NCBP3: variants seen among roughly 807,000 people sequenced by gnomAD.
NCBP3 encodes nuclear cap binding subunit 3.
In NCBP3, 20 loss-of-function variants were observed where a neutral mutation model predicts 75.7. The observed-to-expected ratio is 0.26, with a 90% CI of 0.19 to 0.38. The LOEUF (loss-of-function observed/expected upper bound fraction) is 0.38, where lower values mean the gene tolerates loss of function less well. Among genes scored for constraint, NCBP3 ranks in the 10% least tolerant of loss-of-function variants. NCBP3 has a pLI of 1.00. For synonymous variants in NCBP3, 293 were observed against 290.5 expected (o/e 1.01, Z -0.09); for missense variants, 678 against 796.9 (o/e 0.85, Z 1.80).
chr17:3,816,717 A>T (rs2053540195), intron 10 of NCBP3, among the ~76,000 whole-genome samples: 1 of 152,232 alleles, frequency 6.6e-6, no homozygotes. Flanking sequence ...TTCCGGCAGC[A>T]TTCTCTACCA....
rs908039325 is a variant in NCBP3, at chr17:3,809,698, CTG to C, written c.*3344_*3345del. On this transcript the variant is annotated 3_prime_UTR_variant, in exon 13 of 13. Coordinates refer to ENST00000389005, the MANE Select transcript of NCBP3 (RefSeq NM_001114118.3). Reference sequence around the variant, plus strand: ...TCCAGCCTGCACAACAAGAGCGAAACTGTGTCTCAAAAATAAATAATAGAAAT... The same window carrying C: ...TCCAGCCTGCACAACAAGAGCGAAACTGTCTCAAAAATAAATAATAGAAAT... 32 of 152,192 alleles carry C rather than the reference CTG, an allele frequency of 2.1e-4. No homozygotes were observed. The highest frequency in any genetic ancestry group is 7.2e-4 in the African/African-American group (30 of 41,522). 9.4% of individuals were successfully genotyped at this position (152,192 alleles called of 1,614,324 possible).
chr17:3,821,835 A>C, intron 8 of NCBP3, 118 bp downstream of exon 8: 1 of 685,618 alleles, frequency 1.5e-6, no homozygotes, highest in South Asian at 1.9e-5. Context: ...AGAATCTTGA[A>C]TTCTTCCCTC....
chr17:3,831,163 G>A (rs1306656698), intron 3 of NCBP3, among the ~76,000 whole-genome samples: 1 of 149,492 alleles, frequency 6.7e-6, no homozygotes, highest in Non-Finnish European at 1.5e-5. Context: ...CGCCTGCCTC[G>A]GCCTCCCAAA....
Position 3,806,114 on chromosome 17 carries a change from T to G in NCBP3, c.*6930A>C, listed in dbSNP as rs1478218274. On this transcript the variant is annotated 3_prime_UTR_variant, in exon 13 of 13. Coordinates refer to ENST00000389005, the MANE Select transcript of NCBP3 (RefSeq NM_001114118.3). ...TTTTTTTTGAGACGGAGTCTCGCTC[T>G]GTCGCCCAGGCTGGAGCGCAGTGGC... 7.0e-6 allele frequency: 1 copy of G among 143,258 alleles called. No individual in the cohort carries two copies. The highest frequency in any genetic ancestry group is 1.5e-5 in the Non-Finnish European group (1 of 67,312). 8.9% of individuals were successfully genotyped at this position (143,258 alleles called of 1,614,324 possible).
chr17:3,814,625 C>T (rs2053494659), intron 11 of NCBP3, 142 bp from the exon 12 acceptor site: 2 of 843,062 alleles, frequency 2.4e-6, no homozygotes, highest in African/African-American at 3.4e-5. Flanking sequence ...AGTATTCTTC[C>T]TTTGTAATCA....
At position 3,818,942 on chromosome 17, in the gene NCBP3, C is replaced by A. The variant is rs547646909; in HGVS notation, c.1001-370G>T. On this transcript the variant is annotated intron_variant, in intron 9 of 12. Transcript: ENST00000389005. The surrounding 1 kb of genome is among the most constrained non-coding windows in gnomAD (Gnocchi z 4.7). ...TGGCAAAAAAATCTGAGTCACCAGG[C>A]ACACACACTCCCAGTGGAGGTCAAA... 5.1e-4 allele frequency among the ~76,000 whole-genome samples: 78 copies of A among 152,312 alleles called. 1 individual carries two copies. In the South Asian group the frequency reaches 0.015, roughly 30 times the overall value.
In NCBP3 at chr17:3,825,838, G is replaced by C; in HGVS notation, c.616C>G (p.Gln206Glu). The C allele has an allele frequency of 6.4e-7, 1 of 1,550,544 alleles. No homozygotes were observed. Among genetic ancestry groups the C allele is most frequent in the Non-Finnish European group, 8.7e-7 (1 of 1,146,388 alleles). ...TCATCATCATCTGAACTGTCTTCCT[G>C]CTTGTCTAAAATGGAATGTGAAGGA... ...KSAEKRKKDK[Q>E]EDSSDDDEAE... Residue 206 changes from glutamine (Q) to glutamate (E), a missense_variant, in exon 6 of 13, where the codon CAG becomes GAG. Gln to Glu is a conservative substitution (Grantham distance 29). Coordinates refer to ENST00000389005, the MANE Select transcript of NCBP3 (RefSeq NM_001114118.3).
chr17:3,812,441 G>A lies in NCBP3; in HGVS notation c.*603C>T, dbSNP rs1260433146. 2 of 898,338 alleles carry A rather than the reference G, an allele frequency of 2.2e-6. No individual in the cohort carries two copies. The highest frequency in any genetic ancestry group is 1.3e-6 in the Non-Finnish European group (1 of 750,030). The allele number at this position is 898,338 out of a possible 1,614,324, so 55.6% of individuals were successfully genotyped here. A position where few individuals can be genotyped will look rare whatever the true frequency, so the allele number is the denominator to read the frequency against. ...AGCACGTAAGAGGCCCATGCCATGAGCAATCCCCGAGGGAAGAACGGAAGC... is the reference window on the plus strand; with the variant it reads ...AGCACGTAAGAGGCCCATGCCATGAACAATCCCCGAGGGAAGAACGGAAGC... On this transcript the variant is annotated 3_prime_UTR_variant, in exon 13 of 13. Coordinates refer to ENST00000389005, the MANE Select transcript of NCBP3 (RefSeq NM_001114118.3).
intron 8 of NCBP3, 86 bp downstream of exon 8, chr17:3,821,867 C>T: frequency 1.2e-6 from 1 of 807,356 alleles, no homozygotes. Flanking sequence ...CCAGTTTACA[C>T]AGGGTTTAGA....
At chr17:3,830,129 G>A (rs1318204658) in intron 3 of NCBP3, among the ~76,000 whole-genome samples, 5 of 152,134 alleles carry the variant, frequency 3.3e-5, no homozygotes, top group Non-Finnish European at 5.9e-5. Context: ...ACTGCGGAGG[G>A]CAAATGGAAG....
intron 11 of NCBP3, among the ~76,000 whole-genome samples, chr17:3,815,278 G>C (rs1282573859): frequency 6.6e-6 from 1 of 152,078 alleles, no homozygotes; most frequent in African/African-American, 2.4e-5. Flanking sequence ...AAAAAATCAG[G>C]TTTGCCAACA....
intron 7 of NCBP3, chr17:3,822,589 A>T (rs2053689156): frequency 6.6e-6 from 1 of 152,282 alleles, no homozygotes; most frequent in South Asian, 2.1e-4. Flanking sequence ...GAATGTACTC[A>T]GCCACTCAAA....
chr17:3,844,115 A>T (rs929809601), intron 1 of NCBP3, among the ~76,000 whole-genome samples: 1 of 152,208 alleles, frequency 6.6e-6, no homozygotes, highest in Admixed American at 6.5e-5. Flanking sequence ...CCCAGCCACC[A>T]GGTGGAGCAC....
At chr17:3,825,936 C>T in intron 5 of NCBP3, 93 bp from the exon 6 acceptor site, 1 of 1,404,628 alleles carries the variant, frequency 7.1e-7, no homozygotes. Context: ...TTTAAAAGTC[C>T]AGTATTTTCT....
chr17:3,846,174 G>C lies in NCBP3; in HGVS notation c.50C>G (p.Ala17Gly). The C allele has an allele frequency of 6.6e-7, 1 of 1,521,898 alleles. No individual in the cohort carries two copies. The highest frequency in any genetic ancestry group is 8.8e-7 in the Non-Finnish European group (1 of 1,135,330). 94.3% of individuals were successfully genotyped at this position (1,521,898 alleles called of 1,614,324 possible). A position where few individuals can be genotyped will look rare whatever the true frequency, so the allele number is the denominator to read the frequency against. Residue 17 changes from alanine (A) to glycine (G), a missense_variant, in exon 1 of 13, where the codon GCG (alanine) becomes GGG (glycine). This residue lies in a region of NCBP3 where 76 missense variants were observed against 53.8 expected (regional missense o/e 1.41). Coordinates refer to ENST00000389005, the MANE Select transcript of NCBP3 (RefSeq NM_001114118.3). This position sits in a 1 kb window ranked among gnomAD's most constrained non-coding sequence, Gnocchi z 4.6. ...GGACGGGAGCCCCAGGGCCGGCCCC[G>C]CCGGGGCCTCCGCCTTCACCGACAC... The part of the protein sequence containing the change: ...LRVSVKAEAP[A>G]GPALGLPSPE...
chr17:3,841,602 C>CTTT (rs373561293), intron 2 of NCBP3, among the ~76,000 whole-genome samples: 103 of 117,982 alleles, frequency 8.7e-4, no homozygotes, highest in Non-Finnish European at 1.3e-3. Flanking sequence ...AATTCTCTCT[C>CTTT]TTTTTTTTTT....
Position 3,840,183 on chromosome 17 carries a change from T to A in NCBP3, c.272A>T (p.Gln91Leu). 6.4e-7 allele frequency: 1 copy of A among 1,551,750 alleles called. No individual in the cohort carries two copies. The highest frequency in any genetic ancestry group is 8.7e-7 in the Non-Finnish European group (1 of 1,146,972). ...TSKEAIEKKE[Q>L]RAKRFHFRSE... ...TCGAAAATGGAAGCGCTTGGCTCGC[T>A]GCTCTTTCTTTTCAATTGCTTCCTA... is the stretch of plus-strand genomic sequence containing the variant. The change falls in exon 3 of 13, where the codon CAG becomes CTG. Residue 91 changes from glutamine to leucine, a missense_variant. Transcript: ENST00000389005.
At position 3,807,573 on chromosome 17, in the gene NCBP3, C is replaced by T. The variant is rs796524818; in HGVS notation, c.*5471G>A. On this transcript the variant is annotated 3_prime_UTR_variant, in exon 13 of 13. Coordinates refer to ENST00000389005, the MANE Select transcript of NCBP3 (RefSeq NM_001114118.3). ...CTTTCGAAGCACTACTTACTCTGGG[C>T]TGGCCTGATGAAAGGATACAGAGAT... The T allele has an allele frequency of 3.9e-5, 6 of 152,290 alleles. No homozygotes were observed. The highest frequency in any genetic ancestry group is 1.4e-4 in the African/African-American group (6 of 41,568). 9.4% of individuals were successfully genotyped at this position (152,290 alleles called of 1,614,324 possible).
At chr17:3,815,248 A>T (rs2053507839) in intron 11 of NCBP3, among the ~76,000 whole-genome samples, 1 of 152,194 alleles carries the variant, frequency 6.6e-6, no homozygotes, top group South Asian at 2.1e-4. Flanking sequence ...TAGATGTAAG[A>T]TCAGGTTACT....
Sources: gnomAD v4.1 joint callset for allele counts (sites outside exome capture counted in the v4.1 genomes callset) on GRCh38, gnomAD v4.1.1 for gene constraint, gnomAD v4.1.1 regional missense constraint, Gnocchi (gnomAD v3.1) non-coding constraint, MANE v1.5 for transcripts, NCBI Gene and HGNC (gene_info 2026-07-23, HGNC 2026-07-21) for gene names.